SYNE1: variants seen among roughly 807,000 people sequenced by gnomAD.
The protein encoded by SYNE1 is spectrin repeat containing nuclear envelope protein 1, also known as nesprin-1.
Under a neutral mutation model 1,111.0 loss-of-function variants are expected in SYNE1, and 616 were observed. That is an observed-to-expected ratio of 0.55 (90% CI 0.52 to 0.59). The LOEUF is 0.59. Ranked by LOEUF, SYNE1 falls within the 20% of genes least tolerant of loss-of-function variation. The probability of loss-of-function intolerance (pLI) is 0.00; values close to 1 mark genes in which losing one functional copy is unlikely to be tolerated. For missense variants in SYNE1, 10,006 were observed against 10,417.0 expected (o/e 0.96, Z 1.72); for synonymous variants, 3,855 against 3,825.8 (o/e 1.01, Z -0.28).
rs200935466 is a variant in SYNE1 at position 152,244,630 on chromosome 6, G to C, written c.19599C>G (p.Leu6533=). 1 of 1,613,922 alleles carries C rather than the reference G, an allele frequency of 6.2e-7. No homozygotes were observed. Among genetic ancestry groups the C allele is most frequent in the East Asian group, 2.2e-5 (1 of 44,856 alleles). ...IEAIQQAEDG[L]KEFDAGIIEL... is the part of the protein sequence containing the mutation. ...CAATGATTCCTGCATCAAATTCTTTGAGTCCATCTTCAGCCTGTTGTATTG... is the reference window on the plus strand; with the variant it reads ...CAATGATTCCTGCATCAAATTCTTTCAGTCCATCTTCAGCCTGTTGTATTG... Residue 6533 remains leucine, a synonymous_variant, in exon 106 of 146, where the codon CTC becomes CTG. Transcript: ENST00000367255.
intron 128 of SYNE1, 92 bp from the exon 129 acceptor site, chr6:152,180,386 G>T: frequency 8.1e-7 from 1 of 1,234,092 alleles, no homozygotes; most frequent in Non-Finnish European, 1.2e-6. Flanking sequence ...GGACTAAAAT[G>T]AATGATAGTC....
rs559132470 is a variant in SYNE1, at chr6:152,325,114, T to C, written c.15627A>G (p.Ala5209=). ...TGTTAAAGCCCGTCCACTCATCCAC[T>C]GCATCTTCCAGGATCTTCTCCTGGT... The part of the protein sequence containing the change: ...AQDQEKILED[A]VDEWTGFNNK... The change falls in exon 81 of 146, where the codon GCA becomes GCG. Residue 5209 remains alanine, a synonymous_variant. Coordinates refer to ENST00000367255, the MANE Select transcript of SYNE1 (RefSeq NM_182961.4). 1.9e-6 allele frequency: 3 copies of C among 1,614,242 alleles called. No homozygotes were observed. The highest frequency in any genetic ancestry group is 2.2e-5 in the South Asian group (2 of 91,082).
intron 123 of SYNE1, 58 bp downstream of exon 123, chr6:152,213,554 G>A (rs1587949641): frequency 6.3e-7 from 1 of 1,582,360 alleles, no homozygotes; most frequent in Non-Finnish European, 8.7e-7. Context: ...GCATTTCGTA[G>A]CATCTTCTAA....
rs745547865 is a variant in SYNE1 at position 152,359,445 on chromosome 6, T to A, written c.10313A>T (p.Glu3438Val). ...CAGCAAGCTGCTGTAACTCAGCACTTCTTCATTTAATAACTAGAGAGCATT... is the reference window on the plus strand; with the variant it reads ...CAGCAAGCTGCTGTAACTCAGCACTACTTCATTTAATAACTAGAGAGCATT... Reference protein sequence around the residue: ...MLGKAKLLNEEVLSYSSLLET... With the variant: ...MLGKAKLLNEVVLSYSSLLET... Residue 3438 changes from glutamate (E) to valine (V), a missense_variant, in exon 65 of 146, where the codon GAA becomes GTA. By Grantham distance (121) the Glu-to-Val change is moderately radical. Coordinates refer to ENST00000367255, the MANE Select transcript of SYNE1 (RefSeq NM_182961.4). The A allele has an allele frequency of 6.2e-7, 1 of 1,614,216 alleles. No individual in the cohort carries two copies.
intron 63 of SYNE1, among the ~76,000 whole-genome samples, chr6:152,363,153 A>T (rs544179445): frequency 2.3e-3 from 341 of 148,050 alleles, no homozygotes; most frequent in African/African-American, 4.1e-3. Context: ...AGTGCTGGGA[A>T]TACAGGCGTG....
chr6:152,513,954 C>T (rs1430505351), intron 6 of SYNE1, among the ~76,000 whole-genome samples: 2 of 151,970 alleles, frequency 1.3e-5, no homozygotes, highest in East Asian at 1.9e-4. Flanking sequence ...GTTAGAATGG[C>T]GATTATTAAA....
chr6:152,593,151 T>G (rs140388373), intron 3 of SYNE1, among the ~76,000 whole-genome samples: 1 of 152,254 alleles, frequency 6.6e-6, no homozygotes, highest in Admixed American at 6.5e-5. Context: ...TTTATATCAA[T>G]TAACTTGTGG....
At position 152,331,583 on chromosome 6, in the gene SYNE1, C is replaced by T. The variant is rs201900423; in HGVS notation, c.13102G>A (p.Ala4368Thr). The T allele has an allele frequency of 3.1e-5, 50 of 1,614,138 alleles. No homozygotes were observed. The highest frequency in any genetic ancestry group is 1.1e-4 in the African/African-American group (8 of 75,022). The change falls in exon 78 of 146, where the codon GCC becomes ACC. Residue 4368 changes from alanine (A) to threonine (T), a missense_variant. Transcript: ENST00000367255. ...GGAGGGCTCTGCTTAAGGGCCTCGG[C>T]GATGTTGGGTTGTTGCTCTTCTGCC... ...EWAEEQQPNI[A>T]EALKQSPPPD...
In SYNE1 at chr6:152,164,038, C is replaced by G. The variant is rs566157475; in HGVS notation, c.23790+125G>C. 69 of 1,331,192 alleles carry G rather than the reference C, an allele frequency of 5.2e-5. 1 individual carries two copies. The South Asian group carries it at 7.9e-4, about 15-fold the overall frequency. 82.5% of individuals were successfully genotyped at this position (1,331,192 alleles called of 1,614,324 possible). A position where few individuals can be genotyped will look rare whatever the true frequency, so the allele number is the denominator to read the frequency against. ...TGCCTAGGCAAAGCCCCCTTCCTCA[C>G]CAGTCCTGCCTAGCTCCCTGCTGAC... is the stretch of plus-strand genomic sequence containing the variant. On this transcript the variant is annotated intron_variant, in intron 131 of 145. Transcript: ENST00000367255.
intron 3 of SYNE1, among the ~76,000 whole-genome samples, chr6:152,580,991 T>C (rs954924236): frequency 6.6e-6 from 1 of 152,236 alleles, no homozygotes; most frequent in African/African-American, 2.4e-5. Flanking sequence ...GTTGCTCTTC[T>C]CTTGGCTTCT....
chr6:152,188,188 C>A (rs951202458), intron 128 of SYNE1, among the ~76,000 whole-genome samples: 2 of 152,148 alleles, frequency 1.3e-5, no homozygotes, highest in African/African-American at 4.8e-5. Flanking sequence ...GATGACTGAT[C>A]CATTTAACAG....
chr6:152,207,439 T>C (rs538334092), intron 125 of SYNE1, among the ~76,000 whole-genome samples: 3 of 152,080 alleles, frequency 2.0e-5, no homozygotes, highest in Non-Finnish European at 4.4e-5. Flanking sequence ...TCAGAGAAAT[T>C]TGGAGGAGAA....
At chr6:152,545,176 C>G (rs2099303318) in intron 3 of SYNE1, among the ~76,000 whole-genome samples, 1 of 152,096 alleles carries the variant, frequency 6.6e-6, no homozygotes, top group African/African-American at 2.4e-5. Context: ...TCAGTATGTA[C>G]ATAATAATGC....
Position 152,409,597 on chromosome 6 carries a change from T to C in SYNE1, c.6343A>G (p.Ile2115Val). ...ASSVIVTRTT[I>V]KDQEDLKWAF... Reference sequence around the variant, plus strand: ...CATTTAAGATCCTCCTGATCTTTTATGGTAGTTCTGGTTACAATCACACTG... The same window carrying C: ...CATTTAAGATCCTCCTGATCTTTTACGGTAGTTCTGGTTACAATCACACTG... The change falls in exon 43 of 146, where the codon ATA (isoleucine) becomes GTA (valine). Residue 2115 changes from isoleucine to valine, a missense_variant. Ile to Val is a conservative substitution (Grantham distance 29). Transcript: ENST00000367255. The C allele has an allele frequency of 1.2e-6, 2 of 1,613,938 alleles. No homozygotes were observed. The highest frequency in any genetic ancestry group is 2.2e-5 in the South Asian group (2 of 91,078).
At chr6:152,183,462 G>A (rs1044816886) in intron 128 of SYNE1, among the ~76,000 whole-genome samples, 3 of 152,074 alleles carry the variant, frequency 2.0e-5, no homozygotes, top group Middle Eastern at 3.2e-3. Flanking sequence ...TTAGCCAGGC[G>A]TGGTGGCAGC....
chr6:152,584,504 C>T (rs570121358), intron 3 of SYNE1, among the ~76,000 whole-genome samples: 38 of 152,178 alleles, frequency 2.5e-4, no homozygotes, highest in African/African-American at 7.9e-4. Flanking sequence ...ACTGCAATGG[C>T]GCTGTCAGAC....
At chr6:152,252,170 G>C (rs1324998598) in intron 104 of SYNE1, among the ~76,000 whole-genome samples, 1 of 152,160 alleles carries the variant, frequency 6.6e-6, no homozygotes, top group Non-Finnish European at 1.5e-5. Context: ...TACTTGGGAA[G>C]CTGAGGCAGA....
chr6:152,437,031 A>G (rs1035386058), intron 32 of SYNE1, among the ~76,000 whole-genome samples: 1 of 151,848 alleles, frequency 6.6e-6, no homozygotes, highest in Non-Finnish European at 1.5e-5. Flanking sequence ...ACCAGGCATG[A>G]TGGTGCATGC....
At chr6:152,364,031 G>A (rs986022658) in intron 63 of SYNE1, among the ~76,000 whole-genome samples, 2 of 152,158 alleles carry the variant, frequency 1.3e-5, no homozygotes, top group African/African-American at 2.4e-5. Flanking sequence ...GTCATGGGAG[G>A]GACCCAATGG....
Sources: allele counts gnomAD v4.1 joint callset (sites outside exome capture counted in the v4.1 genomes callset), GRCh38; gene constraint gnomAD v4.1.1; transcripts MANE v1.5; gene names NCBI Gene and HGNC (gene_info 2026-07-23, HGNC 2026-07-21).